The following GPC5 variants were observed in gnomAD, a reference collection of about 807,000 sequenced individuals.
GPC5 encodes the protein glypican-5.
A neutral mutation model predicts 53.9 loss-of-function variants in GPC5; 47 were observed. The observed-to-expected ratio is 0.87, with a 90% CI of 0.69 to 1.11. The LOEUF (loss-of-function observed/expected upper bound fraction) is 1.11, where lower values mean the gene tolerates loss of function less well. Among genes scored for constraint, GPC5 ranks in the 50% most tolerant of loss-of-function variants. The pLI, the probability that GPC5 is intolerant of heterozygous loss-of-function variation, is 0.00. For synonymous variants in GPC5, 286 were observed against 263.3 expected (o/e 1.09, Z -0.84); for missense variants, 748 against 713.1 (o/e 1.05, Z -0.56).
At chr13:92,016,151 A>G (rs1233863893) in intron 6 of GPC5, among the ~76,000 whole-genome samples, 2 of 152,230 alleles carry the variant, frequency 1.3e-5, no homozygotes, top group Admixed American at 1.3e-4. Context: ...GCACTTTTCA[A>G]TGTCAAATGC....
chr13:91,813,508 A>G (rs1169033452), intron 5 of GPC5, among the ~76,000 whole-genome samples: 2 of 152,206 alleles, frequency 1.3e-5, no homozygotes, highest in Non-Finnish European at 2.9e-5. Flanking sequence ...ACAGAACTGT[A>G]TTCTTTCACA....
intron 5 of GPC5, among the ~76,000 whole-genome samples, chr13:91,900,213 T>C (rs1444551962): frequency 6.6e-6 from 1 of 152,184 alleles, no homozygotes; most frequent in African/African-American, 2.4e-5. Flanking sequence ...ATAATGCTTC[T>C]AATGAAAAGT....
intron 7 of GPC5, among the ~76,000 whole-genome samples, chr13:92,449,311 C>T (rs749458762): frequency 3.2e-4 from 48 of 152,248 alleles, no homozygotes; most frequent in Middle Eastern, 3.4e-3. Flanking sequence ...TGGCCCTTGA[C>T]CTCTGCACTT....
intron 7 of GPC5, among the ~76,000 whole-genome samples, chr13:92,830,496 C>T (rs1878011105): frequency 6.6e-6 from 1 of 152,116 alleles, no homozygotes; most frequent in Non-Finnish European, 1.5e-5. Flanking sequence ...AAAAGAGACA[C>T]ACCAGAATTT....
At chr13:92,574,016 GGGA>G (rs1883115247) in intron 7 of GPC5, among the ~76,000 whole-genome samples, 1 of 152,094 alleles carries the variant, frequency 6.6e-6, no homozygotes, top group Non-Finnish European at 1.5e-5. Flanking sequence ...CTGAGCCCTG[GGGA>G]GGTATTCTTC....
Position 92,358,200 on chromosome 13 carries a change from C to A in GPC5, c.1561+213211C>A, listed in dbSNP as rs371502646. 8.3e-4 allele frequency among the ~76,000 whole-genome samples: 126 copies of A among 151,938 alleles called. 8 individuals carry two copies. Among genetic ancestry groups the A allele is most frequent in the African/African-American group, 2.9e-3 (121 of 41,194 alleles). ...GGCTCCATGCAAGTCCAAAACCCAG[C>A]ATGGCAGTCAACTAAATCTTAAAGC... On this transcript the variant is annotated intron_variant, in intron 7 of 7. Transcript: ENST00000377067.
At chr13:92,527,694 T>C (rs1196178771) in intron 7 of GPC5, among the ~76,000 whole-genome samples, 2 of 152,146 alleles carry the variant, frequency 1.3e-5, no homozygotes, top group African/African-American at 2.4e-5. Context: ...GTATTTTCAA[T>C]AGAACTTATT....
intron 5 of GPC5, among the ~76,000 whole-genome samples, chr13:91,817,845 T>C (rs1251887476): frequency 2.0e-5 from 3 of 152,200 alleles, no homozygotes; most frequent in Admixed American, 6.5e-5. Context: ...TTCGTACATA[T>C]TTTTCATTTC....
At chr13:92,214,923 A>T (rs1289311404) in intron 7 of GPC5, among the ~76,000 whole-genome samples, 1 of 152,122 alleles carries the variant, frequency 6.6e-6, no homozygotes, top group Non-Finnish European at 1.5e-5. Context: ...GAGCCTAGGA[A>T]TGTGAGAAGC....
At chr13:92,525,437 AGT>A (rs34946580) in intron 7 of GPC5, among the ~76,000 whole-genome samples, 6,941 of 136,584 alleles carry the variant, frequency 0.051, 363 homozygotes, top group African/African-American at 0.13. Context: ...GATAGATTCA[AGT>A]GTGTGTGTGT....
intron 6 of GPC5, among the ~76,000 whole-genome samples, chr13:92,001,316 G>A (rs1196136655): frequency 1.3e-5 from 2 of 152,124 alleles, no homozygotes; most frequent in African/African-American, 4.8e-5. Context: ...GTTTTTTCAT[G>A]TAAATTTTAT....
intron 2 of GPC5, among the ~76,000 whole-genome samples, chr13:91,673,147 G>A (rs951689821): frequency 6.6e-5 from 10 of 152,050 alleles, no homozygotes; most frequent in African/African-American, 1.2e-4. Context: ...AGCATGGCAC[G>A]CATATACCTG....
At chr13:91,695,621 C>T (rs2035864158) in intron 3 of GPC5, among the ~76,000 whole-genome samples, 3 of 151,988 alleles carry the variant, frequency 2.0e-5, no homozygotes, top group Admixed American at 1.3e-4. Flanking sequence ...GTGACCTGCC[C>T]GCCTCGGCCT....
chr13:92,787,239 T>G (rs1465887131), intron 7 of GPC5, among the ~76,000 whole-genome samples: 1 of 151,838 alleles, frequency 6.6e-6, no homozygotes, highest in Non-Finnish European at 1.5e-5. Context: ...CCTGCCAAAA[T>G]GGAAGATGAT....
At chr13:92,781,270 A>ATG (rs746638436) in intron 7 of GPC5, among the ~76,000 whole-genome samples, 1 of 152,130 alleles carries the variant, frequency 6.6e-6, no homozygotes, top group Non-Finnish European at 1.5e-5. Context: ...AAATATATAT[A>ATG]TTCATTCCAC....
intron 7 of GPC5, among the ~76,000 whole-genome samples, chr13:92,761,439 A>T (rs144383821): frequency 2.6e-5 from 4 of 152,180 alleles, no homozygotes; most frequent in African/African-American, 9.7e-5. Context: ...TTAAATAATG[A>T]CCTGTTACGT....
At chr13:91,717,478 T>C (rs1438707863) in intron 3 of GPC5, among the ~76,000 whole-genome samples, 1 of 152,112 alleles carries the variant, frequency 6.6e-6, no homozygotes, top group African/African-American at 2.4e-5. Context: ...GAAAGCTCAC[T>C]CTTGAGTGAA....
chr13:91,613,468 T>G (rs1479639935), intron 2 of GPC5, among the ~76,000 whole-genome samples: 1 of 152,190 alleles, frequency 6.6e-6, no homozygotes, highest in African/African-American at 2.4e-5. Context: ...TTATGGGAGT[T>G]AGAATTCAAG....
At chr13:91,459,024 A>G (rs511979) in intron 2 of GPC5, among the ~76,000 whole-genome samples, 120,091 of 151,806 alleles carry the variant, frequency 0.79, 50,432 homozygotes, top group Non-Finnish European at 0.93. Flanking sequence ...ATGCAAAGAC[A>G]TAAGAATGAT....
Sources: allele counts gnomAD v4.1 joint callset (sites outside exome capture counted in the v4.1 genomes callset), GRCh38; gene constraint gnomAD v4.1.1; transcripts MANE v1.5; gene names NCBI Gene and HGNC (gene_info 2026-07-23, HGNC 2026-07-21).